The following MINDY2 variants were observed in gnomAD, a reference collection of about 807,000 sequenced individuals.
The protein encoded by MINDY2 is MINDY lysine 48 deubiquitinase 2.
MINDY2 carries 52 observed loss-of-function variants against 68.2 expected under a neutral mutation model. That is an observed-to-expected ratio of 0.76 (90% CI 0.61 to 0.96). The LOEUF (loss-of-function observed/expected upper bound fraction) is 0.96. MINDY2 is among the 40% of genes least tolerant of loss of function. MINDY2 has a pLI of 0.00. For synonymous variants in MINDY2, 372 were observed against 303.0 expected (o/e 1.23, Z -2.36); for missense variants, 881 against 773.4 (o/e 1.14, Z -1.65).
At chr15:58,774,076 C>G (rs1900613776) in intron 1 of MINDY2, among the ~76,000 whole-genome samples, 1 of 152,106 alleles carries the variant, frequency 6.6e-6, no homozygotes, top group South Asian at 2.1e-4. Flanking sequence ...AGGGCAAGTA[C>G]TGTGGTGTGG....
chr15:58,783,888 A>G (rs548973482), intron 1 of MINDY2, among the ~76,000 whole-genome samples: 2 of 152,194 alleles, frequency 1.3e-5, no homozygotes, highest in South Asian at 4.1e-4. Context: ...TGAGGGTACA[A>G]TGAGCCATGA....
At chr15:58,808,551 AT>A (rs1456507935) in intron 3 of MINDY2, among the ~76,000 whole-genome samples, 20 of 150,894 alleles carry the variant, frequency 1.3e-4, no homozygotes, top group South Asian at 6.3e-4. Context: ...GCTCATCTCT[AT>A]TTTTTTTAAT....
chr15:58,790,123 A>G (rs1309784082), intron 2 of MINDY2, among the ~76,000 whole-genome samples: 1 of 152,166 alleles, frequency 6.6e-6, no homozygotes, highest in Non-Finnish European at 1.5e-5. Context: ...TTTAATCCCC[A>G]TTCACTGGCT....
chr15:58,803,424 C>T (rs1044606164), intron 3 of MINDY2, among the ~76,000 whole-genome samples: 10 of 150,694 alleles, frequency 6.6e-5, no homozygotes, highest in African/African-American at 2.0e-4. Context: ...GCTGGAATCG[C>T]GCCACTATGA....
intron 5 of MINDY2, 150 bp downstream of exon 5, chr15:58,821,969 G>A (rs1033736689): frequency 9.5e-6 from 5 of 528,848 alleles, no homozygotes; most frequent in Non-Finnish European, 1.3e-5. Flanking sequence ...CCATCCATAG[G>A]CTGGGCACAG....
intron 1 of MINDY2, among the ~76,000 whole-genome samples, chr15:58,781,782 A>G (rs1901163041): frequency 6.6e-6 from 1 of 152,120 alleles, no homozygotes; most frequent in Non-Finnish European, 1.5e-5. Flanking sequence ...GGGCGCCTGT[A>G]ATCCCAGCTA....
At chr15:58,849,758 T>G (rs1183285856) in intron 7 of MINDY2, among the ~76,000 whole-genome samples, 1 of 152,204 alleles carries the variant, frequency 6.6e-6, no homozygotes, top group Non-Finnish European at 1.5e-5. Flanking sequence ...TTTTTATTTT[T>G]TGAGACAGGG....
rs886080534 is a variant in MINDY2, at chr15:58,858,955, A to C, written c.*4345A>C. On this transcript the variant is annotated 3_prime_UTR_variant, in exon 9 of 9. Transcript: ENST00000559228. The stretch of plus-strand genomic sequence containing the variant: ...TATGTGAAGGATGCTCTTTTTGATT[A>C]AGTGTTTTGCACTCCTGAATAAAGG... 6.6e-6 allele frequency: 1 copy of C among 152,144 alleles called. No homozygotes were observed. Among genetic ancestry groups the C allele is most frequent in the Non-Finnish European group, 1.5e-5 (1 of 67,980 alleles). The allele number at this position is 152,144 out of a possible 1,614,324, so 9.4% of individuals were successfully genotyped here.
rs1332609288 is a variant in MINDY2, at chr15:58,772,148, G to A, written c.753G>A (p.Lys251=). The A allele has an allele frequency of 1.2e-6, 2 of 1,613,978 alleles. No homozygotes were observed. Among genetic ancestry groups the A allele is most frequent in the Middle Eastern group, 1.6e-4 (1 of 6,084 alleles). ...SVYHIKWIQW[K]EENTPIITQN... ...ATCACATCAAGTGGATCCAGTGGAA[G>A]GAAGAGAACACACCCATCATCACCC... The change falls in exon 1 of 9, where the codon AAG becomes AAA. Residue 251 remains lysine (K), a synonymous_variant. Transcript: ENST00000559228.
rs918143618 is a variant in MINDY2, at chr15:58,855,323, G to A, written c.*713G>A. On this transcript the variant is annotated 3_prime_UTR_variant, in exon 9 of 9. Transcript: ENST00000559228. ...AATATCAGATATTAATGACTTTGTAGTGTTGTAAAATTTTGAGGAATTTTG... is the reference window on the plus strand; with the variant it reads ...AATATCAGATATTAATGACTTTGTAATGTTGTAAAATTTTGAGGAATTTTG... The A allele has an allele frequency of 7.9e-5, 12 of 152,548 alleles. No individual in the cohort carries two copies. The highest frequency in any genetic ancestry group is 1.3e-4 in the Non-Finnish European group (9 of 68,016). 9.4% of individuals were successfully genotyped at this position (152,548 alleles called of 1,614,324 possible).
intron 5 of MINDY2, among the ~76,000 whole-genome samples, chr15:58,823,116 G>T (rs1039616096): frequency 2.7e-5 from 4 of 149,248 alleles, no homozygotes; most frequent in Admixed American, 1.3e-4. Context: ...TTTAGTTAAG[G>T]TTTATCCTAA....
At chr15:58,828,511 G>A (rs2031536693) in intron 5 of MINDY2, among the ~76,000 whole-genome samples, 1 of 147,390 alleles carries the variant, frequency 6.8e-6, no homozygotes, top group African/African-American at 2.5e-5. Flanking sequence ...TCACTTTCAT[G>A]TTCTCTAATA....
At chr15:58,836,195 C>T (rs1285540812) in intron 6 of MINDY2, among the ~76,000 whole-genome samples, 4 of 151,806 alleles carry the variant, frequency 2.6e-5, no homozygotes, top group South Asian at 2.1e-4. Flanking sequence ...CAGGCGTGAG[C>T]GACCGCACCC....
chr15:58,827,487 G>A (rs751300147), intron 5 of MINDY2, among the ~76,000 whole-genome samples: 13 of 152,108 alleles, frequency 8.5e-5, no homozygotes, highest in African/African-American at 2.6e-4. Context: ...CAGACAGAAC[G>A]GAGTCTTGTT....
At chr15:58,819,666 G>T (rs998417305) in intron 4 of MINDY2, among the ~76,000 whole-genome samples, 10 of 152,034 alleles carry the variant, frequency 6.6e-5, no homozygotes, top group Non-Finnish European at 1.2e-4. Context: ...CTATATTTTT[G>T]TGGATTTCTT....
intron 1 of MINDY2, among the ~76,000 whole-genome samples, chr15:58,775,724 G>A (rs1900731329): frequency 6.6e-6 from 1 of 152,150 alleles, no homozygotes; most frequent in Admixed American, 6.5e-5. Flanking sequence ...AAGGTATGAA[G>A]GGAATTATTT....
At position 58,788,792 on chromosome 15, in the gene MINDY2, T is replaced by C. The variant is rs570825664; in HGVS notation, c.898+829T>C. On this transcript the variant is annotated intron_variant, in intron 2 of 8. Transcript: ENST00000559228. ...TGGGAGGTCAAGGCAGGCAGATCAC[T>C]TGAGGTCAATAATTTGAGACCTGCC... 4.8e-5 allele frequency among the ~76,000 whole-genome samples: 7 copies of C among 145,870 alleles called. No individual in the cohort carries two copies. The South Asian group carries it at 6.6e-4, about 14-fold the overall frequency.
intron 1 of MINDY2, among the ~76,000 whole-genome samples, chr15:58,776,558 A>C (rs1376525619): frequency 6.6e-6 from 1 of 152,228 alleles, no homozygotes; most frequent in Non-Finnish European, 1.5e-5. Context: ...CAGAGAGCTA[A>C]TAGAGTAGGG....
Position 58,857,914 on chromosome 15 carries a change from T to A in MINDY2, c.*3304T>A. On this transcript the variant is annotated 3_prime_UTR_variant, in exon 9 of 9. Transcript: ENST00000559228. ...TAGTAACCAGTCTTTATTAAAAATA[T>A]AAAATTTTTCTTCATGTCTAATCCC... 1 of 152,130 alleles carries A rather than the reference T, an allele frequency of 6.6e-6. No individual in the cohort carries two copies. Among genetic ancestry groups the A allele is most frequent in the East Asian group, 1.9e-4 (1 of 5,202 alleles). The allele number at this position is 152,130 out of a possible 1,614,324, so 9.4% of individuals were successfully genotyped here.
Sources: allele counts gnomAD v4.1 joint callset (sites outside exome capture counted in the v4.1 genomes callset), GRCh38; gene constraint gnomAD v4.1.1; transcripts MANE v1.5; gene names NCBI Gene and HGNC (gene_info 2026-07-23, HGNC 2026-07-21).